The following ITGAX variants were observed in gnomAD, a reference collection of about 807,000 sequenced individuals.
The protein encoded by ITGAX is integrin subunit alpha X.
Under a neutral mutation model 140.2 loss-of-function variants are expected in ITGAX, and 99 were observed. That is an observed-to-expected ratio of 0.71 (90% CI 0.60 to 0.83). The LOEUF (loss-of-function observed/expected upper bound fraction) is 0.83. Ranked by LOEUF, ITGAX falls within the 40% of genes least tolerant of loss-of-function variation. The probability of loss-of-function intolerance (pLI) is 0.00; values close to 1 mark genes in which losing one functional copy is unlikely to be tolerated. For missense variants in ITGAX, 1,444 were observed against 1,482.0 expected (o/e 0.97, Z 0.42); for synonymous variants, 631 against 600.4 (o/e 1.05, Z -0.75).
rs1018777948 is a variant in ITGAX at position 31,359,826 on chromosome 16, C to A, written c.557C>A (p.Thr186Asn). 13 of 1,614,068 alleles carry A rather than the reference C, an allele frequency of 8.1e-6. No individual in the cohort carries two copies. The highest frequency in any genetic ancestry group is 1.6e-4 in the Middle Eastern group (1 of 6,084). The change falls in exon 6 of 30, where the codon ACC (threonine) becomes AAC (asparagine). Residue 186 changes from threonine to asparagine, a missense_variant. Thr to Asn is a moderately conservative substitution (Grantham distance 65). Coordinates refer to ENST00000268296, the MANE Select transcript of ITGAX (RefSeq NM_000887.5). ...AVISQFQRPSTQFSLMQFSNK... is the reference protein window; with the variant it reads ...AVISQFQRPSNQFSLMQFSNK... ...ATAAGCCAGTTCCAGAGACCCAGCA[C>A]CCAGGTGTGCCTTTGGGGGAGGGAG...
chr16:31,371,925 T>C (rs557419424), intron 17 of ITGAX, 141 bp downstream of exon 17: 1 of 970,136 alleles, frequency 1.0e-6, no homozygotes, highest in African/African-American at 1.6e-5. Flanking sequence ...TACTGCACGT[T>C]AGCCAGTGAG....
chr16:31,362,323 G>T, intron 11 of ITGAX, 119 bp downstream of exon 11: 1 of 1,329,188 alleles, frequency 7.5e-7, no homozygotes, highest in Non-Finnish European at 1.0e-6. Context: ...GGCTTCTGGG[G>T]AGGGAGGATG....
At chr16:31,362,348 C>T (rs1168356964) in intron 11 of ITGAX, 144 bp downstream of exon 11, 20 of 64,398 alleles carry the variant, frequency 3.1e-4, no homozygotes, top group Middle Eastern at 6.8e-3. Flanking sequence ...CTGTGCTGCC[C>T]GGGGTGGGTT....
At chr16:31,357,172 G>A (rs2080770942) in intron 4 of ITGAX, 71 bp downstream of exon 4, 1 of 1,551,268 alleles carries the variant, frequency 6.4e-7, no homozygotes, top group Non-Finnish European at 8.8e-7. Flanking sequence ...GGGGCTGGGA[G>A]TCTCCTGTAG....
rs775306923 is a variant in ITGAX, at chr16:31,379,757, G to T, written c.2869G>T (p.Val957Phe). 2 of 1,613,556 alleles carry T rather than the reference G, an allele frequency of 1.2e-6. No individual in the cohort carries two copies. Among genetic ancestry groups the T allele is most frequent in the Non-Finnish European group, 1.7e-6 (2 of 1,179,796 alleles). ...ESHVAMHRYQ[V>F]NNLGQRDLPV... ...TCTGCCCTCAGTGCCCTCTGTGCAG[G>T]TCAATAACCTGGGACAGAGGGACCT... Residue 957 changes from valine (V) to phenylalanine (F), a missense_variant and splice_region_variant, in exon 25 of 30, where the codon GTC becomes TTC. Transcript: ENST00000268296.
chr16:31,380,332 C>G lies in ITGAX; in HGVS notation c.3127C>G (p.Leu1043Val). The G allele has an allele frequency of 6.2e-7, 1 of 1,614,228 alleles. No homozygotes were observed. The highest frequency in any genetic ancestry group is 8.5e-7 in the Non-Finnish European group (1 of 1,180,048). The change falls in exon 27 of 30, where the codon CTG becomes GTG. Residue 1043 changes from leucine (L) to valine (V), a missense_variant. By Grantham distance (32) the Leu-to-Val change is conservative. Coordinates refer to ENST00000268296, the MANE Select transcript of ITGAX (RefSeq NM_000887.5). ...DVPSFSVQEE[L>V]DFTLKGNLSF... ...CCCCTCCTTCAGCGTCCAGGAGGAG[C>G]TGGATTTCACCCTGAAGGGCAACCT...
At chr16:31,361,788 C>G (rs1175709049) in intron 9 of ITGAX, 48 bp from the exon 10 acceptor site, 1 of 1,593,046 alleles carries the variant, frequency 6.3e-7, no homozygotes, top group East Asian at 2.2e-5. Context: ...TTGGACCTGG[C>G]AAAGCCCGTC....
In ITGAX at chr16:31,362,266, G is replaced by C. The variant is rs116039611; in HGVS notation, c.1216+62G>C. ...TGCACTGCCCAGGGTGGGGTCCAGG[G>C]TTCTGGGGAAGGGGTATGGGGGCTG... On this transcript the variant is annotated intron_variant, in intron 11 of 29. Transcript: ENST00000268296. 6,252 of 1,483,030 alleles carry C rather than the reference G, an allele frequency of 4.2e-3. 222 individuals carry two copies. In the African/African-American group the frequency reaches 0.081, roughly 19 times the overall value. The allele number at this position is 1,483,030 out of a possible 1,614,324, so 91.9% of individuals were successfully genotyped here. A position where few individuals can be genotyped will look rare whatever the true frequency, so the allele number is the denominator to read the frequency against.
In ITGAX at chr16:31,362,692, C is replaced by G. The variant is rs1313297004; in HGVS notation, c.1298C>G (p.Ala433Gly). Residue 433 changes from alanine to glycine, a missense_variant, in exon 12 of 30, where the codon GCT becomes GGT. By Grantham distance (60) the Ala-to-Gly change is moderately conservative. Coordinates refer to ENST00000268296, the MANE Select transcript of ITGAX (RefSeq NM_000887.5). ...CCCCGCTACCAGCACACCGGGAAGGCTGTCATCTTCACCCAGGTGTCCAGG... is the reference window on the plus strand; with the variant it reads ...CCCCGCTACCAGCACACCGGGAAGGGTGTCATCTTCACCCAGGTGTCCAGG... ...GAPRYQHTGK[A>G]VIFTQVSRQW... 7 of 1,613,896 alleles carry G rather than the reference C, an allele frequency of 4.3e-6. 1 individual carries two copies. The Admixed American group carries it at 1.2e-4, about 27-fold the overall frequency.
chr16:31,361,995 C>T lies in ITGAX; in HGVS notation c.1087-80C>T, dbSNP rs997324002. Reference sequence around the variant, plus strand: ...GGGTGGGTGTCAGGTGGGTAAGAGGCGCAGGCGGAAGGCATATCTCTGGTA... The same window carrying T: ...GGGTGGGTGTCAGGTGGGTAAGAGGTGCAGGCGGAAGGCATATCTCTGGTA... On this transcript the variant is annotated intron_variant, in intron 10 of 29. Transcript: ENST00000268296. 75 of 1,611,086 alleles carry T rather than the reference C, an allele frequency of 4.7e-5. 1 individual carries two copies. The highest frequency in any genetic ancestry group is 2.4e-4 in the South Asian group (22 of 91,002).
rs1355106677 is a variant in ITGAX, at chr16:31,372,443, C to T, written c.2226C>T (p.Pro742=). 6.2e-7 allele frequency: 1 copy of T among 1,609,222 alleles called. No homozygotes were observed. The highest frequency in any genetic ancestry group is 2.2e-5 in the East Asian group (1 of 44,844). Residue 742 remains proline (P), a synonymous_variant, in exon 18 of 30, where the codon CCC becomes CCT. Coordinates refer to ENST00000268296, the MANE Select transcript of ITGAX (RefSeq NM_000887.5). The stretch of plus-strand genomic sequence containing the variant: ...TGAACTTCACGCTGGTGGGCAAGCC[C>T]CTCCTTGCCTTCAGAAACCTGCGGC... ...LRLNFTLVGK[P]LLAFRNLRPM... is the part of the protein sequence containing the mutation.
chr16:31,371,243 C>G lies in ITGAX; in HGVS notation c.1841+29C>G, dbSNP rs758962164. 5 of 1,603,306 alleles carry G rather than the reference C, an allele frequency of 3.1e-6. No homozygotes were observed. In the Admixed American group the frequency reaches 6.7e-5, roughly 22 times the overall value. Reference sequence around the variant, plus strand: ...AGAGCAGCCTTTCTCAGAGGCTCCCCAGGTGGTCCTAGGTTCAGATGGGGG... The same window carrying G: ...AGAGCAGCCTTTCTCAGAGGCTCCCGAGGTGGTCCTAGGTTCAGATGGGGG... On this transcript the variant is annotated intron_variant, in intron 15 of 29. Coordinates refer to ENST00000268296, the MANE Select transcript of ITGAX (RefSeq NM_000887.5).
At chr16:31,368,446 C>T (rs1468755006) in intron 14 of ITGAX, among the ~76,000 whole-genome samples, 6 of 138,838 alleles carry the variant, frequency 4.3e-5, no homozygotes, top group African/African-American at 5.4e-5. Flanking sequence ...TGCAGTGAGC[C>T]GAGATCACAC....
intron 2 of ITGAX, 199 bp from the exon 3 acceptor site, chr16:31,356,426 A>G: frequency 3.6e-6 from 2 of 548,596 alleles, no homozygotes; most frequent in Non-Finnish European, 6.6e-6. Context: ...CACCACACCC[A>G]GACTCAACAA....
intron 14 of ITGAX, among the ~76,000 whole-genome samples, chr16:31,370,765 G>A (rs1345246807): frequency 1.3e-5 from 2 of 152,256 alleles, no homozygotes; most frequent in African/African-American, 4.8e-5. Flanking sequence ...ATGAGGAAAC[G>A]GAGGCACAGA....
intron 20 of ITGAX, 39 bp from the exon 21 acceptor site, chr16:31,376,760 A>G: frequency 6.3e-7 from 1 of 1,593,356 alleles, no homozygotes; most frequent in South Asian, 1.1e-5. Context: ...CATTGCTTTC[A>G]ATTTCAACTA....
intron 5 of ITGAX, chr16:31,357,594 T>G (rs764405245): frequency 5.6e-6 from 3 of 534,930 alleles, no homozygotes; most frequent in Non-Finnish European, 9.8e-6. Context: ...TTTCTTCATC[T>G]GTTGGATGGG....
At position 31,377,018 on chromosome 16, in the gene ITGAX, T is replaced by C. The variant is rs1052956359; in HGVS notation, c.2644T>C (p.Phe882Leu). ...TCCTCAGATCACCTTCTTGGCTACC[T>C]TTGACGTCTCCCCCAAGGCTGTCCT... Reference protein sequence around the residue: ...GGAQITFLATFDVSPKAVLGD... With the variant: ...GGAQITFLATLDVSPKAVLGD... Residue 882 changes from phenylalanine (F) to leucine (L), a missense_variant, in exon 22 of 30, where the codon TTT (phenylalanine) becomes CTT (leucine). By Grantham distance (22) the Phe-to-Leu change is conservative (BLOSUM62 0). Transcript: ENST00000268296. The C allele has an allele frequency of 1.2e-6, 2 of 1,614,226 alleles. No individual in the cohort carries two copies. The highest frequency in any genetic ancestry group is 1.7e-6 in the Non-Finnish European group (2 of 1,180,040).
At chr16:31,363,770 G>A (rs919867104) in intron 14 of ITGAX, among the ~76,000 whole-genome samples, 1 of 152,198 alleles carries the variant, frequency 6.6e-6, no homozygotes, top group African/African-American at 2.4e-5. Flanking sequence ...AAGGTACACA[G>A]GTCAGGCACA....
Sources: gnomAD v4.1 joint callset for allele counts (sites outside exome capture counted in the v4.1 genomes callset) on GRCh38, gnomAD v4.1.1 for gene constraint, MANE v1.5 for transcripts, NCBI Gene and HGNC (gene_info 2026-07-23, HGNC 2026-07-21) for gene names.